The following MTHFD2L variants were observed in gnomAD, a reference collection of about 807,000 sequenced individuals.
MTHFD2L encodes the protein bifunctional methylenetetrahydrofolate dehydrogenase/cyclohydrolase 2, mitochondrial.
In MTHFD2L, 29 loss-of-function variants were observed where a neutral mutation model predicts 34.9. The ratio of observed to expected loss-of-function variants is 0.83; its 90% CI spans 0.62 to 1.13. The LOEUF (loss-of-function observed/expected upper bound fraction) is 1.13. Among genes scored for constraint, MTHFD2L ranks in the 50% most tolerant of loss-of-function variants. MTHFD2L has a pLI of 0.00. For missense variants in MTHFD2L, 481 were observed against 446.5 expected (o/e 1.08, Z -0.70); for synonymous variants, 167 against 155.7 (o/e 1.07, Z -0.54).
intron 5 of MTHFD2L, among the ~76,000 whole-genome samples, chr4:74,219,257 A>G (rs1737737322): frequency 6.6e-6 from 1 of 152,116 alleles, no homozygotes; most frequent in Non-Finnish European, 1.5e-5. Flanking sequence ...CCTATGTCTT[A>G]GAAACATATT....
chr4:74,155,435 T>G (rs1724179198), upstream of MTHFD2L, among the ~76,000 whole-genome samples: 1 of 152,178 alleles, frequency 6.6e-6, no homozygotes, highest in Non-Finnish European at 1.5e-5. Context: ...ACTGTAAACA[T>G]TCTCATCATA....
intron 6 of MTHFD2L, among the ~76,000 whole-genome samples, chr4:74,239,960 G>C (rs954136660): frequency 5.9e-5 from 9 of 152,094 alleles, no homozygotes; most frequent in Non-Finnish European, 1.5e-5. Flanking sequence ...AGGGTAGTTG[G>C]TCAGGATATA....
At chr4:74,162,190 T>C (rs1725601962) in intron 1 of MTHFD2L, 1 of 152,232 alleles carries the variant, frequency 6.6e-6, no homozygotes, top group African/African-American at 2.4e-5. Context: ...TCTGTGTTGC[T>C]ATTGTTTTTA....
At chr4:74,184,386 G>T (rs911780301) in intron 3 of MTHFD2L, among the ~76,000 whole-genome samples, 3 of 152,136 alleles carry the variant, frequency 2.0e-5, no homozygotes, top group African/African-American at 7.2e-5. Flanking sequence ...TATTTAATAT[G>T]AAAGTATATT....
chr4:74,174,842 A>G (rs1728721854), intron 2 of MTHFD2L, 152 bp downstream of exon 2: 2 of 576,604 alleles, frequency 3.5e-6, no homozygotes, highest in Non-Finnish European at 5.4e-6. Context: ...GCTTATGTTA[A>G]TTTCATATGA....
At chr4:74,193,449 A>G (rs1179160759) in intron 3 of MTHFD2L, among the ~76,000 whole-genome samples, 1 of 152,212 alleles carries the variant, frequency 6.6e-6, no homozygotes, top group Admixed American at 6.5e-5. Flanking sequence ...AAATCTTCAT[A>G]TACATTTAAG....
chr4:74,194,342 C>A (rs1733104271), intron 3 of MTHFD2L: 1 of 152,130 alleles, frequency 6.6e-6, no homozygotes, highest in South Asian at 2.1e-4. Context: ...TTCTAGCTGT[C>A]CTGTGGCTAG....
At chr4:74,271,850 C>G (rs1047958065) in intron 6 of MTHFD2L, among the ~76,000 whole-genome samples, 2 of 151,858 alleles carry the variant, frequency 1.3e-5, no homozygotes, top group South Asian at 4.2e-4. Flanking sequence ...TTTCATTGAG[C>G]AGTGGTTTGT....
At position 74,137,605 on chromosome 4, in the gene MTHFD2L, A is replaced by C. The variant is rs578032545; in HGVS notation, c.-297+12088A>C. 2.0e-5 allele frequency among the ~76,000 whole-genome samples: 3 copies of C among 152,276 alleles called. No homozygotes were observed. The South Asian group carries it at 6.2e-4, about 32-fold the overall frequency. On this transcript the variant is annotated intron_variant, in intron 1 of 7. Transcript: ENST00000433372. ...TACCATATGATCTAGCTATTTCACT[A>C]CTGGGTATATACATTTAAAAAATCA...
intron 6 of MTHFD2L, among the ~76,000 whole-genome samples, chr4:74,276,128 C>T (rs2110260462): frequency 6.6e-6 from 1 of 152,104 alleles, no homozygotes; most frequent in East Asian, 1.9e-4. Flanking sequence ...TTGGTGGATA[C>T]AAAGAGAGGG....
In MTHFD2L at chr4:74,274,716, T is replaced by C. The variant is rs1454510172; in HGVS notation, c.806-6709T>C. Among the ~76,000 whole-genome samples, 3 of 152,284 alleles carry C rather than the reference T, an allele frequency of 2.0e-5. No homozygotes were observed. In the East Asian group the frequency reaches 5.8e-4, roughly 29 times the overall value. On this transcript the variant is annotated intron_variant, in intron 6 of 7. Transcript: ENST00000325278. ...TATGCTGAAGCTTGCTCCACCAGCC[T>C]GTGAGATTGATTCTGAGCATCTCTT...
intron 5 of MTHFD2L, among the ~76,000 whole-genome samples, chr4:74,223,490 G>A (rs1738596481): frequency 6.6e-6 from 1 of 151,856 alleles, no homozygotes; most frequent in Admixed American, 6.6e-5. Context: ...GGAGGAGGGA[G>A]GGAATTAGGA....
At chr4:74,180,648 T>C (rs1296806563) in intron 3 of MTHFD2L, 2 of 447,230 alleles carry the variant, frequency 4.5e-6, no homozygotes, top group Non-Finnish European at 9.1e-6. Context: ...TGTTTAATGG[T>C]ACTGGGACTG....
intron 1 of MTHFD2L, among the ~76,000 whole-genome samples, chr4:74,150,969 A>T (rs1386934203): frequency 6.6e-6 from 1 of 152,036 alleles, no homozygotes; most frequent in Admixed American, 6.6e-5. Flanking sequence ...CACTGATGAA[A>T]TAATGCTATA....
At chr4:74,185,170 A>AAAAAAAAC (rs1560460918) in intron 3 of MTHFD2L, among the ~76,000 whole-genome samples, 4 of 150,676 alleles carry the variant, frequency 2.7e-5, no homozygotes, top group African/African-American at 9.8e-5. Flanking sequence ...AAAAAAAAAA[A>AAAAAAAAC]AAAAAAAAAT....
intron 7 of MTHFD2L, chr4:74,293,543 G>T (rs1749268063): frequency 1.0e-6 from 1 of 982,990 alleles, no homozygotes; most frequent in Admixed American, 6.2e-5. Context: ...GAAACCTCAA[G>T]ATTCAGCAAC....
intron 1 of MTHFD2L, among the ~76,000 whole-genome samples, chr4:74,173,283 A>G (rs1242907000): frequency 1.3e-5 from 2 of 152,182 alleles, no homozygotes; most frequent in African/African-American, 4.8e-5. Context: ...AAGCCTTTCT[A>G]GAAAGTATTT....
At chr4:74,142,680 A>G (rs1723348431) in intron 1 of MTHFD2L, among the ~76,000 whole-genome samples, 1 of 152,222 alleles carries the variant, frequency 6.6e-6, no homozygotes, top group East Asian at 1.9e-4. Flanking sequence ...TCAAGATAAC[A>G]ACATACTTAT....
intron 1 of MTHFD2L, chr4:74,161,732 A>G (rs532695366): frequency 6.6e-6 from 1 of 152,332 alleles, no homozygotes. Context: ...TTAATGAGCC[A>G]AATCTTTGTA....
Sources: gnomAD v4.1 joint callset for allele counts (sites outside exome capture counted in the v4.1 genomes callset) on GRCh38, gnomAD v4.1.1 for gene constraint, MANE v1.5 for transcripts, NCBI Gene and HGNC (gene_info 2026-07-23, HGNC 2026-07-21) for gene names.